Variants in MACF1 observed in about 807,000 individuals in gnomAD.
MACF1 encodes the protein microtubule actin crosslinking factor 1, also known as microtubule-actin cross-linking factor 1.
A neutral mutation model predicts 854.8 loss-of-function variants in MACF1; 193 were observed. That is an observed-to-expected ratio of 0.23 (90% CI 0.20 to 0.25). The LOEUF (loss-of-function observed/expected upper bound fraction) is 0.25. Among genes scored for constraint, MACF1 ranks in the 10% least tolerant of loss-of-function variants. The pLI is 1.00. For synonymous variants in MACF1, 3,185 were observed against 3,226.7 expected (o/e 0.99, Z 0.44); for missense variants, 7,722 against 8,929.1 (o/e 0.86, Z 5.45).
intron 15 of MACF1, among the ~76,000 whole-genome samples, chr1:39,287,973 A>G (rs909911382): frequency 2.0e-5 from 3 of 152,136 alleles, no homozygotes; most frequent in African/African-American, 7.2e-5. Flanking sequence ...ACTCTGAGTG[A>G]GAGCTTGGTG....
chr1:39,477,999 A>ATT (rs36028217), intron 97 of MACF1, among the ~76,000 whole-genome samples: 1,488 of 101,850 alleles, frequency 0.015, 75 homozygotes, highest in Admixed American at 0.029. Context: ...TCAGAAGTGA[A>ATT]TTTTTTTTTT....
At chr1:39,342,563 GTCTC>G (rs1308638555) in intron 40 of MACF1, among the ~76,000 whole-genome samples, 1 of 139,616 alleles carries the variant, frequency 7.2e-6, no homozygotes, top group African/African-American at 2.6e-5. Flanking sequence ...GTGTGACAGA[GTCTC>G]TCTCTGTCAC....
intron 6 of MACF1, among the ~76,000 whole-genome samples, chr1:39,261,845 A>G (rs995763507): frequency 2.9e-4 from 44 of 152,196 alleles, no homozygotes; most frequent in African/African-American, 9.9e-4. Context: ...TTAATTGTAC[A>G]GTAAGCATGT....
intron 54 of MACF1, 146 bp downstream of exon 54, chr1:39,379,590 T>G: frequency 1.2e-6 from 1 of 853,298 alleles, no homozygotes; most frequent in Middle Eastern, 2.5e-4. Flanking sequence ...TCTAAATGAT[T>G]AATATGCCTT....
At chr1:39,411,910 C>T in intron 58 of MACF1, 1 of 1,613,832 alleles carries the variant, frequency 6.2e-7, no homozygotes. Context: ...TTCTCAGGTG[C>T]CTAATGCTGT....
intron 95 of MACF1, among the ~76,000 whole-genome samples, chr1:39,465,455 TTAA>T (rs1304240600): frequency 1.3e-5 from 2 of 152,354 alleles, no homozygotes; most frequent in African/African-American, 4.8e-5. Flanking sequence ...CTTTTGACAG[TTAA>T]TAAATTTTGT....
At chr1:39,241,974 T>A (rs913496204) in intron 2 of MACF1, among the ~76,000 whole-genome samples, 3 of 152,246 alleles carry the variant, frequency 2.0e-5, no homozygotes, top group Non-Finnish European at 2.9e-5. Flanking sequence ...TCCAAGCACG[T>A]AAGTGTAACT....
At chr1:39,411,766 G>A (rs370606443) in intron 58 of MACF1, 27 of 1,613,692 alleles carry the variant, frequency 1.7e-5, no homozygotes, top group Non-Finnish European at 2.3e-5. Context: ...ATCCCAGGAT[G>A]CAGAAAATTT....
intron 6 of MACF1, among the ~76,000 whole-genome samples, chr1:39,272,874 G>A (rs559306879): frequency 6.6e-6 from 1 of 152,310 alleles, no homozygotes; most frequent in South Asian, 2.1e-4. Context: ...AGTAGACTAG[G>A]ATTTGGAGCT....
chr1:39,485,770 C>A lies in MACF1; in HGVS notation c.22644C>A (p.Pro7548=), dbSNP rs149519812. The A allele has an allele frequency of 1.2e-6, 2 of 1,608,028 alleles. No homozygotes were observed. ...CTAAGAAGACCACCACTGCCTCCCC[C>A]AGGACTCCAGGTCCCAAGCGATAAC... is the stretch of plus-strand genomic sequence containing the variant. ...TMSKKTTTAS[P]RTPGPKR is the part of the protein sequence containing the mutation. Residue 7548 remains proline, a synonymous_variant, in exon 101 of 101, where the codon CCC becomes CCA. Coordinates refer to ENST00000564288, the MANE Select transcript of MACF1 (RefSeq NM_001394062.1).
At chr1:39,386,661 A>G (rs1023113119) in intron 57 of MACF1, among the ~76,000 whole-genome samples, 5 of 152,126 alleles carry the variant, frequency 3.3e-5, no homozygotes, top group Admixed American at 6.5e-5. Flanking sequence ...CGAACTCTTG[A>G]CCTCGTGATC....
At chr1:39,269,474 G>A (rs1210715906) in intron 6 of MACF1, 18 of 1,289,714 alleles carry the variant, frequency 1.4e-5, no homozygotes, top group Non-Finnish European at 1.8e-5. Context: ...GACGCACGGA[G>A]CCTTCCCATG....
chr1:39,215,875 C>A (rs2148283149), intron 1 of MACF1, among the ~76,000 whole-genome samples: 1 of 152,176 alleles, frequency 6.6e-6, no homozygotes, highest in South Asian at 2.1e-4. Flanking sequence ...AGTTCTTTTA[C>A]ACTTTACTCT....
At chr1:39,447,627 A>G (rs376369574) in intron 81 of MACF1, 40 bp downstream of exon 81, 13 of 1,613,560 alleles carry the variant, frequency 8.1e-6, no homozygotes, top group Non-Finnish European at 9.3e-6. Context: ...TTTTGAAAGC[A>G]CTAATTGAAA....
chr1:39,163,267 C>A (rs1392658220), intron 2 of MACF1, among the ~76,000 whole-genome samples: 2 of 132,006 alleles, frequency 1.5e-5, no homozygotes, highest in Non-Finnish European at 3.1e-5. Flanking sequence ...AGGAGAATCG[C>A]TTGAATCCAA....
chr1:39,092,003 T>C (rs1320207730), intron 2 of MACF1, among the ~76,000 whole-genome samples: 1 of 152,222 alleles, frequency 6.6e-6, no homozygotes, highest in East Asian at 1.9e-4. Context: ...GAATGCAGCA[T>C]GAACTGAGCT....
intron 2 of MACF1, among the ~76,000 whole-genome samples, chr1:39,182,248 CA>C: frequency 6.6e-6 from 1 of 150,780 alleles, no homozygotes; most frequent in African/African-American, 2.4e-5. Context: ...GCTAAAATTA[CA>C]AAACTATTAG....
At position 39,349,582 on chromosome 1, in the gene MACF1, C is replaced by T. The variant is rs776566399; in HGVS notation, c.10920C>T (p.Thr3640=). The part of the protein sequence containing the change: ...RALAGHQGRT[T]QQDLSALQKN... ...TGGCAGGCCACCAAGGCAGAACCACCCAGCAGGATCTCTCTGCTTTGCAGA... is the reference window on the plus strand; with the variant it reads ...TGGCAGGCCACCAAGGCAGAACCACTCAGCAGGATCTCTCTGCTTTGCAGA... Residue 3640 remains threonine, a synonymous_variant, in exon 42 of 101, where the codon ACC becomes ACT. Transcript: ENST00000564288. 7.4e-6 allele frequency: 12 copies of T among 1,614,064 alleles called. No individual in the cohort carries two copies. Among genetic ancestry groups the T allele is most frequent in the African/African-American group, 2.7e-5 (2 of 74,926 alleles).
intron 2 of MACF1, among the ~76,000 whole-genome samples, chr1:39,237,135 C>G (rs551278343): frequency 4.5e-4 from 68 of 152,214 alleles, no homozygotes; most frequent in Non-Finnish European, 8.5e-4. Flanking sequence ...TCACTGCCCC[C>G]TAAACACTGT....
Sources: allele counts gnomAD v4.1 joint callset (sites outside exome capture counted in the v4.1 genomes callset), GRCh38; gene constraint gnomAD v4.1.1; transcripts MANE v1.5; gene names NCBI Gene and HGNC (gene_info 2026-07-23, HGNC 2026-07-21).